Variants in SCN1A observed in about 807,000 individuals in gnomAD.
SCN1A encodes sodium channel protein type 1 subunit alpha.
In SCN1A, 13 loss-of-function variants were observed where a neutral mutation model predicts 193.7. The ratio of observed to expected loss-of-function variants is 0.07; its 90% CI spans 0.04 to 0.11. The LOEUF (loss-of-function observed/expected upper bound fraction) is 0.11, where lower values mean the gene tolerates loss of function less well. SCN1A is among the 10% of genes least tolerant of loss of function. The pLI, the probability that SCN1A is intolerant of heterozygous loss-of-function variation, is 1.00. For missense variants in SCN1A, 1,432 were observed against 2,451.1 expected (o/e 0.58, Z 8.78); for synonymous variants, 781 against 843.6 (o/e 0.93, Z 1.29).
At chr2:166,124,801 C>A (rs1190242062) in intron 2 of SCN1A, among the ~76,000 whole-genome samples, 2 of 152,158 alleles carry the variant, frequency 1.3e-5, no homozygotes, top group East Asian at 3.9e-4. Context: ...CACTTACTAA[C>A]TGTATAACCC....
At chr2:166,047,801 C>A in intron 10 of SCN1A, 33 bp from the exon 11 acceptor site, 1 of 1,612,654 alleles carries the variant, frequency 6.2e-7, no homozygotes, top group South Asian at 1.1e-5. Context: ...TATTACAAGT[C>A]GTTCTGCTGC....
intron 2 of SCN1A, among the ~76,000 whole-genome samples, chr2:166,090,477 A>G (rs1686676128): frequency 6.6e-6 from 1 of 152,316 alleles, no homozygotes; most frequent in Non-Finnish European, 1.5e-5. Flanking sequence ...TTTCCCTTTA[A>G]TCTTACAAGT....
intron 1 of SCN1A, 47 bp downstream of exon 1, chr2:166,127,722 ACT>A (rs1691413062): frequency 6.6e-6 from 1 of 152,232 alleles, no homozygotes; most frequent in South Asian, 2.1e-4. Flanking sequence ...CAAAGGAATA[ACT>A]GGAATGAATA....
intron 16 of SCN1A, 65 bp downstream of exon 16, chr2:166,041,166 A>T: frequency 8.5e-7 from 1 of 1,179,124 alleles, no homozygotes; most frequent in South Asian, 1.2e-5. Flanking sequence ...TACACAATTA[A>T]ATGTAAACAG....
chr2:166,080,245 G>T (rs1233782066), intron 2 of SCN1A, among the ~76,000 whole-genome samples: 2 of 151,644 alleles, frequency 1.3e-5, no homozygotes, highest in Non-Finnish European at 3.0e-5. Context: ...CATAGAATCT[G>T]CAGTTTTGGC....
chr2:166,092,082 T>C (rs1012278816), intron 2 of SCN1A, among the ~76,000 whole-genome samples: 2 of 152,170 alleles, frequency 1.3e-5, no homozygotes, highest in Admixed American at 6.6e-5. Context: ...AATCCAAGAA[T>C]GTAATACCAA....
intron 8 of SCN1A, 70 bp downstream of exon 8, chr2:166,052,782 C>G: frequency 8.0e-7 from 1 of 1,248,532 alleles, no homozygotes; most frequent in South Asian, 1.2e-5. Context: ...TTCTGTAAAA[C>G]TGAATGTCAA....
At chr2:166,002,988 T>C in intron 23 of SCN1A, 1 of 318,854 alleles carries the variant, frequency 3.1e-6, no homozygotes, top group Non-Finnish European at 5.6e-6. Flanking sequence ...AAAATGTTTT[T>C]AAAAAAAAGG....
chr2:166,038,784 A>G (rs1490515981), intron 17 of SCN1A, among the ~76,000 whole-genome samples: 1 of 152,204 alleles, frequency 6.6e-6, no homozygotes, highest in Non-Finnish European at 1.5e-5. Flanking sequence ...GTAGTGTGCA[A>G]AGTAACATCA....
At chr2:166,027,250 C>T (rs1694918641) in intron 19 of SCN1A, 1 of 152,140 alleles carries the variant, frequency 6.6e-6, no homozygotes, top group African/African-American at 2.4e-5. Flanking sequence ...TTTTCCTCCG[C>T]AGTGGATTTA....
intron 2 of SCN1A, among the ~76,000 whole-genome samples, chr2:166,090,469 T>C (rs1271934632): frequency 1.3e-5 from 2 of 152,214 alleles, no homozygotes; most frequent in Non-Finnish European, 2.9e-5. Flanking sequence ...AAGTATATTT[T>C]CCCTTTAATC....
intron 25 of SCN1A, chr2:165,999,003 G>C (rs774137128): frequency 1.3e-4 from 19 of 151,506 alleles, no homozygotes; most frequent in Admixed American, 7.9e-4. Flanking sequence ...AAACAGATGG[G>C]ACTTGAGAAT....
Position 166,145,283 on chromosome 2 carries a change from C to T in SCN1A, c.-50+3764G>A, listed in dbSNP as rs1028408057. Among the ~76,000 whole-genome samples, 12 of 151,370 alleles carry T rather than the reference C, an allele frequency of 7.9e-5. No individual in the cohort carries two copies. The East Asian group carries it at 1.2e-3, about 15-fold the overall frequency. On this transcript the variant is annotated intron_variant, in intron 1 of 26. Coordinates refer to the SCN1A transcript ENST00000635750. The stretch of plus-strand genomic sequence containing the variant: ...CGATCTCCTGACCTCGTGATCTGCC[C>T]GCTTCGGCCTCCCCAAGTGCTGGGA...
At chr2:166,055,547 G>A (rs1699050610) in intron 6 of SCN1A, among the ~76,000 whole-genome samples, 1 of 151,966 alleles carries the variant, frequency 6.6e-6, no homozygotes, top group African/African-American at 2.4e-5. Flanking sequence ...CTTGGAAATA[G>A]GTTGGTGCAA....
In SCN1A at chr2:166,058,641, G is replaced by A. The variant is rs771566556; in HGVS notation, c.312C>T (p.Ala104=). ...GAGTTAAAATGTACAGGGCAGAGGT[G>A]GCACTGAACCGGAAGATGGCCTTCC... ...NKGKAIFRFS[A]TSALYILTPF... Residue 104 remains alanine (A), a synonymous_variant, in exon 5 of 29, where the codon GCC becomes GCT. Coordinates refer to ENST00000674923, the MANE Select transcript of SCN1A (RefSeq NM_001165963.4). The A allele has an allele frequency of 6.2e-7, 1 of 1,612,252 alleles. No homozygotes were observed. Among genetic ancestry groups the A allele is most frequent in the Non-Finnish European group, 8.5e-7 (1 of 1,178,684 alleles).
At position 166,103,068 on chromosome 2, in the gene SCN1A, G is replaced by GATATAC. The variant is rs1553571677; in HGVS notation, c.-142+23855_-142+23856insGTATAT. ...TTCAAGCCTGACTTTAGATTTGGGAGATATATATATATATATATGACGGTT... is the reference window on the plus strand; with the variant it reads ...TTCAAGCCTGACTTTAGATTTGGGAGATATACATATATATATATATATATGACGGTT... On this transcript the variant is annotated intron_variant, in intron 2 of 28. Coordinates refer to ENST00000674923, the MANE Select transcript of SCN1A (RefSeq NM_001165963.4). Among the ~76,000 whole-genome samples, 5 of 149,114 alleles carry GATATAC rather than the reference G, an allele frequency of 3.4e-5. No individual in the cohort carries two copies. In the East Asian group the frequency reaches 9.8e-4, roughly 29 times the overall value.
intron 9 of SCN1A, among the ~76,000 whole-genome samples, chr2:166,050,371 G>T (rs1698392199): frequency 2.0e-5 from 3 of 151,194 alleles, no homozygotes; most frequent in South Asian, 4.2e-4. Flanking sequence ...GATGTTTAGA[G>T]CTGAAAATGA....
intron 12 of SCN1A, 110 bp downstream of exon 12, chr2:166,046,660 A>T (rs951072820): frequency 1.2e-5 from 12 of 988,322 alleles, no homozygotes; most frequent in Non-Finnish European, 1.9e-5. Context: ...TATAGAAATC[A>T]TTATTAATTC....
At position 166,101,053 on chromosome 2, in the gene SCN1A, T is replaced by C. The variant is rs867859896; in HGVS notation, c.-141-23252A>G. On this transcript the variant is annotated intron_variant, in intron 2 of 28. Transcript: ENST00000674923. ...TAAATCATGCTGCTATAAAGACACA[T>C]GCACACGTATGTTTATTGCGGCATT... Among the ~76,000 whole-genome samples the C allele has an allele frequency of 2.0e-4, 21 of 104,354 alleles. No homozygotes were observed. The Middle Eastern group carries it at 0.013, about 62-fold the overall frequency. The allele number at this position is 104,354 out of a possible 152,430, so 68.5% of individuals were successfully genotyped here. A position where few individuals can be genotyped will look rare whatever the true frequency, so the allele number is the denominator to read the frequency against.
Sources: allele counts gnomAD v4.1 joint callset (sites outside exome capture counted in the v4.1 genomes callset), GRCh38; gene constraint gnomAD v4.1.1; transcripts MANE v1.5; gene names NCBI Gene and HGNC (gene_info 2026-07-23, HGNC 2026-07-21).